Variants in DTNB observed in about 807,000 individuals in gnomAD.
The protein encoded by DTNB is dystrobrevin beta.
A neutral mutation model predicts 90.7 loss-of-function variants in DTNB; 63 were observed. That is an observed-to-expected ratio of 0.69 (90% CI 0.57 to 0.86). The LOEUF is 0.86. Among genes scored for constraint, DTNB ranks in the 40% least tolerant of loss-of-function variants. The pLI is 0.00. For synonymous variants in DTNB, 277 were observed against 286.7 expected (o/e 0.97, Z 0.34); for missense variants, 744 against 807.1 (o/e 0.92, Z 0.95).
At chr2:25,524,196 C>A (rs369065461) in intron 9 of DTNB, among the ~76,000 whole-genome samples, 3 of 151,938 alleles carry the variant, frequency 2.0e-5, no homozygotes, top group African/African-American at 7.3e-5. Context: ...CCACCGTGCC[C>A]GGCCCTTCTG....
At chr2:25,399,982 G>T (rs745591934) in intron 16 of DTNB, among the ~76,000 whole-genome samples, 1 of 152,148 alleles carries the variant, frequency 6.6e-6, no homozygotes, top group African/African-American at 2.4e-5. Flanking sequence ...TCTCGGTCAC[G>T]TCATGGCATA....
In DTNB at chr2:25,581,052, A is replaced by G. The variant is rs139500290; in HGVS notation, c.604-226T>C. Among the ~76,000 whole-genome samples the G allele has an allele frequency of 4.5e-3, 684 of 152,330 alleles. 2 individuals are homozygous for G. Among genetic ancestry groups the G allele is most frequent in the Middle Eastern group, 0.014 (4 of 294 alleles). On this transcript the variant is annotated intron_variant, in intron 6 of 20. Transcript: ENST00000406818. ...CATATACATTATTTTATTTTAGTCA[A>G]CTGTATAAGGTAAACTAGGTTAGAC...
chr2:25,670,068 T>TGA (rs2149077794), intron 1 of DTNB, among the ~76,000 whole-genome samples: 1 of 152,280 alleles, frequency 6.6e-6, no homozygotes, highest in African/African-American at 2.4e-5. Context: ...CGGTCCTTAA[T>TGA]GAGAATACTA....
At chr2:25,473,395 C>T (rs1213375147) in intron 10 of DTNB, among the ~76,000 whole-genome samples, 1 of 151,948 alleles carries the variant, frequency 6.6e-6, no homozygotes, top group Non-Finnish European at 1.5e-5. Flanking sequence ...TACAATGAGT[C>T]AGCTTCTTAG....
At chr2:25,643,808 G>A (rs972072773) in intron 2 of DTNB, among the ~76,000 whole-genome samples, 1 of 152,226 alleles carries the variant, frequency 6.6e-6, no homozygotes, top group African/African-American at 2.4e-5. Context: ...TTGGTAAAAT[G>A]AGGCCAAGAC....
At chr2:25,527,799 C>T (rs951976952) in intron 9 of DTNB, among the ~76,000 whole-genome samples, 2 of 152,104 alleles carry the variant, frequency 1.3e-5, no homozygotes, top group African/African-American at 4.8e-5. Context: ...GCTTAGATGG[C>T]TCCATTAGTG....
At chr2:25,669,492 C>A (rs75401132) in intron 1 of DTNB, among the ~76,000 whole-genome samples, 8,281 of 152,184 alleles carry the variant, frequency 0.054, 313 homozygotes, top group Middle Eastern at 0.16. Flanking sequence ...CAAAAAAAGA[C>A]AAGCCATTTA....
intron 3 of DTNB, among the ~76,000 whole-genome samples, chr2:25,634,125 T>C (rs1267739831): frequency 1.8e-4 from 21 of 119,088 alleles, no homozygotes; most frequent in Admixed American, 4.9e-4. Context: ...GTCAGCCCCC[T>C]GCCCGGCCAG....
chr2:25,407,385 TAGA>T (rs1256299346), intron 16 of DTNB, among the ~76,000 whole-genome samples: 1 of 152,126 alleles, frequency 6.6e-6, no homozygotes, highest in African/African-American at 2.4e-5. Flanking sequence ...GAACCAAAAG[TAGA>T]CCTACCATTT....
intron 9 of DTNB, among the ~76,000 whole-genome samples, chr2:25,503,778 G>T (rs772059152): frequency 6.6e-6 from 1 of 151,962 alleles, no homozygotes; most frequent in African/African-American, 2.4e-5. Flanking sequence ...TTAGCTGGGC[G>T]TGGTGGCGGG....
intron 9 of DTNB, among the ~76,000 whole-genome samples, chr2:25,514,508 A>G (rs1375866697): frequency 1.4e-5 from 2 of 147,622 alleles, no homozygotes; most frequent in African/African-American, 5.0e-5. Flanking sequence ...CCACAAAAAC[A>G]AAAAAAGACA....
intron 1 of DTNB, among the ~76,000 whole-genome samples, chr2:25,669,897 C>T (rs2085422139): frequency 6.6e-6 from 1 of 150,626 alleles, no homozygotes; most frequent in Admixed American, 6.6e-5. Flanking sequence ...AGAGGAAGAC[C>T]CTATCTCAAA....
intron 9 of DTNB, among the ~76,000 whole-genome samples, chr2:25,530,214 T>C (rs2077907020): frequency 6.6e-6 from 1 of 152,008 alleles, no homozygotes; most frequent in Non-Finnish European, 1.5e-5. Context: ...GGCAGGTGGA[T>C]CACTTGAACC....
intron 9 of DTNB, among the ~76,000 whole-genome samples, chr2:25,515,648 C>A (rs368531665): frequency 3.3e-5 from 5 of 152,064 alleles, no homozygotes; most frequent in Admixed American, 2.0e-4. Flanking sequence ...AGTGCAATGG[C>A]GCAATCTCGG....
chr2:25,397,579 C>T (rs148714203), intron 16 of DTNB, among the ~76,000 whole-genome samples: 30 of 152,020 alleles, frequency 2.0e-4, no homozygotes, highest in African/African-American at 7.2e-4. Flanking sequence ...AAATTAAATC[C>T]ACTTAAAGAA....
At chr2:25,648,719 T>C (rs188121217) in intron 2 of DTNB, among the ~76,000 whole-genome samples, 51 of 152,252 alleles carry the variant, frequency 3.3e-4, no homozygotes, top group Admixed American at 9.8e-4. Flanking sequence ...AAGAAAAAGA[T>C]GGCTGGCCCC....
intron 1 of DTNB, among the ~76,000 whole-genome samples, chr2:25,666,889 T>TA (rs1189260995): frequency 6.6e-6 from 1 of 152,048 alleles, no homozygotes; most frequent in Non-Finnish European, 1.5e-5. Context: ...GAAAGGAAGC[T>TA]AAAAAATACT....
chr2:25,384,583 T>G (rs1361220534), intron 18 of DTNB, among the ~76,000 whole-genome samples: 1 of 151,878 alleles, frequency 6.6e-6, no homozygotes, highest in South Asian at 2.1e-4. Context: ...TTTGGAAAGG[T>G]TGAAGGAATT....
chr2:25,385,995 G>A (rs927586440), intron 18 of DTNB: 1 of 982,364 alleles, frequency 1.0e-6, no homozygotes, highest in Non-Finnish European at 1.2e-6. Context: ...CATCTGTGGG[G>A]AGCTGCATTA....
Sources: gnomAD v4.1 joint callset for allele counts (sites outside exome capture counted in the v4.1 genomes callset) on GRCh38, gnomAD v4.1.1 for gene constraint, MANE v1.5 for transcripts, NCBI Gene and HGNC (gene_info 2026-07-23, HGNC 2026-07-21) for gene names.